The following CFAP276 variants were observed in gnomAD, a reference collection of about 807,000 sequenced individuals.
CFAP276 encodes cilia- and flagella-associated protein 276.
At chr1:109,106,179 T>C in the CFAP276 span, 1 of 1,189,892 alleles carries the variant, frequency 8.4e-7, no homozygotes, top group East Asian at 2.4e-5. Flanking sequence ...TCAATACATT[T>C]GTAGGTACTG....
chr1:109,110,403 A>G, the CFAP276 span, among the ~76,000 whole-genome samples: 27 of 152,226 alleles, frequency 1.8e-4, no homozygotes, highest in African/African-American at 5.5e-4. Flanking sequence ...CTAGTTATCA[A>G]TGATCTCTGT....
At chr1:109,111,161 GT>G in the CFAP276 span, among the ~76,000 whole-genome samples, 25 of 152,116 alleles carry the variant, frequency 1.6e-4, no homozygotes, top group Admixed American at 1.6e-3. Flanking sequence ...TTGTGTCACT[GT>G]GGTACTTAAA....
chr1:109,106,669 G>A, the CFAP276 span: 1 of 1,612,892 alleles, frequency 6.2e-7, no homozygotes, highest in Admixed American at 1.7e-5. Flanking sequence ...TCTAGAAGAA[G>A]GCATAGGGAA....
the CFAP276 span, chr1:109,108,020 G>GTTTTTTTTTTTTTTTTTTTTTTTT: frequency 6.2e-7 from 1 of 1,605,186 alleles, no homozygotes; most frequent in Non-Finnish European, 8.5e-7. Context: ...GGTGTGTTGG[G>GTTTTTTTTTTTTTTTTTTTTTTTT]TTCTTATATG....
At chr1:109,106,919 G>T in the CFAP276 span, 1 of 1,053,556 alleles carries the variant, frequency 9.5e-7, no homozygotes, top group Non-Finnish European at 1.4e-6. Flanking sequence ...TGAGTACCTA[G>T]TGATTATCAT....
the CFAP276 span, chr1:109,107,853 G>T: frequency 7.7e-7 from 1 of 1,301,676 alleles, no homozygotes; most frequent in Non-Finnish European, 1.1e-6. Context: ...ATTCCACCCT[G>T]GGTGACAGGA....
At chr1:109,107,152 C>T in the CFAP276 span, 1 of 1,546,716 alleles carries the variant, frequency 6.5e-7, no homozygotes, top group South Asian at 1.1e-5. Context: ...CCAAGGTTAG[C>T]TCAGCCACCT....
At chr1:109,113,492 T>G in the CFAP276 span, 3 of 610,512 alleles carry the variant, frequency 4.9e-6, no homozygotes, top group South Asian at 6.9e-5. Flanking sequence ...GCTTGGGAAA[T>G]TGCGGCTAAG....
At chr1:109,110,552 C>T in the CFAP276 span, among the ~76,000 whole-genome samples, 571 of 152,272 alleles carry the variant, frequency 3.7e-3, 18 homozygotes, top group Admixed American at 0.036. Context: ...TATTTCTGGC[C>T]CTTATCTCTC....
At chr1:109,113,451 A>AGAGAGAGAGAGAGAGAGAGAGAGAGT in the CFAP276 span, among the ~76,000 whole-genome samples, 1 of 120,386 alleles carries the variant, frequency 8.3e-6, no homozygotes, top group African/African-American at 3.4e-5. Flanking sequence ...AGAGAGAGAG[A>AGAGAGAGAGAGAGAGAGAGAGAGAGT]GAGAGAGAGA....
At chr1:109,109,740 T>C in the CFAP276 span, among the ~76,000 whole-genome samples, 1 of 151,824 alleles carries the variant, frequency 6.6e-6, no homozygotes, top group African/African-American at 2.4e-5. Context: ...CTTCACCACA[T>C]TGGCCAGACT....
At chr1:109,109,320 C>T in the CFAP276 span, among the ~76,000 whole-genome samples, 2 of 151,238 alleles carry the variant, frequency 1.3e-5, no homozygotes, top group African/African-American at 2.4e-5. Flanking sequence ...TAGTGGTGGG[C>T]GCCTGTAATC....
the CFAP276 span, chr1:109,106,904 A>G: frequency 3.1e-6 from 3 of 953,106 alleles, no homozygotes; most frequent in East Asian, 2.4e-5. Flanking sequence ...AAATTTGTAT[A>G]CAAATGAGTA....
chr1:109,112,555 C>T, the CFAP276 span: 3 of 1,547,808 alleles, frequency 1.9e-6, no homozygotes, highest in Admixed American at 2.0e-5. Context: ...AGAAAGAAGA[C>T]TACCGGCGAC....
At chr1:109,113,706 G>A in the CFAP276 span, 10 of 1,613,578 alleles carry the variant, frequency 6.2e-6, no homozygotes, top group Non-Finnish European at 8.5e-6. Context: ...CACGCCACGT[G>A]TGCAACATCG....
the CFAP276 span, among the ~76,000 whole-genome samples, chr1:109,111,117 G>A: frequency 6.6e-6 from 1 of 152,096 alleles, no homozygotes; most frequent in Non-Finnish European, 1.5e-5. Flanking sequence ...TATCCAGTCT[G>A]CTGCCACTTG....
At chr1:109,107,725 C>CAAAAAAAAA in the CFAP276 span, among the ~76,000 whole-genome samples, 9 of 143,502 alleles carry the variant, frequency 6.3e-5, no homozygotes, top group Non-Finnish European at 3.0e-5. Flanking sequence ...CTCATCTCTT[C>CAAAAAAAAA]AAAAAAAAAA....
the CFAP276 span, chr1:109,112,681 G>A: frequency 2.6e-6 from 4 of 1,550,224 alleles, no homozygotes; most frequent in South Asian, 4.8e-5. Flanking sequence ...GGGAGGCATG[G>A]CTAAATGCCT....
the CFAP276 span, chr1:109,113,746 A>C: frequency 1.3e-6 from 2 of 1,561,208 alleles, no homozygotes; most frequent in South Asian, 2.2e-5. Context: ...CCCTGGCCCG[A>C]AAGGGCAGTA....
Sources: gnomAD v4.1 joint callset for allele counts (sites outside exome capture counted in the v4.1 genomes callset) on GRCh38, gnomAD v4.1.1 for gene constraint, MANE v1.5 for transcripts, NCBI Gene and HGNC (gene_info 2026-07-23, HGNC 2026-07-21) for gene names.